The following GNAL variants were observed in gnomAD, a reference collection of about 807,000 sequenced individuals.
GNAL encodes G protein subunit alpha L.
Under a neutral mutation model 55.1 loss-of-function variants are expected in GNAL, and 18 were observed. The observed-to-expected ratio is 0.33, with a 90% CI of 0.23 to 0.48. The LOEUF is 0.48. Among genes scored for constraint, GNAL ranks in the 20% least tolerant of loss-of-function variants. The probability of loss-of-function intolerance (pLI) is 0.99; values close to 1 mark genes in which losing one functional copy is unlikely to be tolerated. For synonymous variants in GNAL, 253 were observed against 237.0 expected (o/e 1.07, Z -0.62); for missense variants, 412 against 614.1 (o/e 0.67, Z 3.48).
intron 1 of GNAL, among the ~76,000 whole-genome samples, chr18:11,696,435 G>A (rs2031415563): frequency 6.6e-6 from 1 of 151,420 alleles, no homozygotes; most frequent in South Asian, 2.1e-4. Context: ...AACCCGGAAG[G>A]CAGAGCTTGC....
chr18:11,829,474 C>T (rs2035327954), intron 5 of GNAL, among the ~76,000 whole-genome samples: 1 of 152,088 alleles, frequency 6.6e-6, no homozygotes, highest in Non-Finnish European at 1.5e-5. Context: ...TTTTACTTTG[C>T]CAAATAAGAT....
chr18:11,737,175 A>T (rs1203809574), intron 1 of GNAL, among the ~76,000 whole-genome samples: 1 of 152,226 alleles, frequency 6.6e-6, no homozygotes, highest in African/African-American at 2.4e-5. Flanking sequence ...TGTAACAATC[A>T]CATGCGGGTA....
chr18:11,859,628 C>T (rs2036085585), intron 5 of GNAL, among the ~76,000 whole-genome samples: 2 of 152,216 alleles, frequency 1.3e-5, no homozygotes, highest in African/African-American at 4.8e-5. Flanking sequence ...TGCGCAGTAG[C>T]ACCTCCCAGA....
chr18:11,781,639 A>G (rs1265903912), intron 4 of GNAL, among the ~76,000 whole-genome samples: 5 of 152,238 alleles, frequency 3.3e-5, no homozygotes, highest in Non-Finnish European at 7.3e-5. Flanking sequence ...CTCTTTGAAG[A>G]TAAACTTTGT....
chr18:11,784,204 G>T (rs548787375), intron 4 of GNAL, among the ~76,000 whole-genome samples: 4 of 152,408 alleles, frequency 2.6e-5, no homozygotes, highest in African/African-American at 9.6e-5. Context: ...ACAAGAGCCT[G>T]TTGCTCTTCT....
chr18:11,690,031 G>A, intron 1 of GNAL, 92 bp downstream of exon 1: 2 of 705,410 alleles, frequency 2.8e-6, no homozygotes, highest in Non-Finnish European at 3.9e-6. Context: ...GGCGGGCACC[G>A]GGGAGCGGCG....
chr18:11,839,758 C>T (rs976732103), intron 5 of GNAL, among the ~76,000 whole-genome samples: 6 of 152,124 alleles, frequency 3.9e-5, no homozygotes, highest in Non-Finnish European at 8.8e-5. Context: ...AACTGTGCTA[C>T]AGCACAGCCT....
chr18:11,818,611 G>A (rs2035017101), intron 4 of GNAL, among the ~76,000 whole-genome samples: 1 of 152,200 alleles, frequency 6.6e-6, no homozygotes, highest in South Asian at 2.1e-4. Flanking sequence ...TGAAAATGTG[G>A]GAGGATGAAG....
chr18:11,707,745 A>G (rs962937051), intron 1 of GNAL, among the ~76,000 whole-genome samples: 1 of 152,204 alleles, frequency 6.6e-6, no homozygotes, highest in East Asian at 1.9e-4. Flanking sequence ...TTCCACCTCC[A>G]TTGAAGGCTG....
At chr18:11,744,097 G>A (rs75446250) in intron 1 of GNAL, among the ~76,000 whole-genome samples, 105 of 152,288 alleles carry the variant, frequency 6.9e-4, no homozygotes, top group African/African-American at 2.5e-3. Context: ...ACTGAGTCCA[G>A]TGCTTTAGTG....
At chr18:11,850,098 G>T (rs894977234) in intron 5 of GNAL, among the ~76,000 whole-genome samples, 1 of 152,204 alleles carries the variant, frequency 6.6e-6, no homozygotes, top group Non-Finnish European at 1.5e-5. Flanking sequence ...CAGGCAACAG[G>T]AACAGCATAG....
intron 4 of GNAL, among the ~76,000 whole-genome samples, chr18:11,763,412 CT>C (rs869177717): frequency 1.7e-3 from 257 of 148,430 alleles, no homozygotes; most frequent in African/African-American, 5.6e-3. Flanking sequence ...AATACGATAT[CT>C]TTTTTTTTTT....
At chr18:11,822,093 G>T (rs1182648627) in intron 4 of GNAL, among the ~76,000 whole-genome samples, 1 of 152,252 alleles carries the variant, frequency 6.6e-6, no homozygotes, top group Non-Finnish European at 1.5e-5. Context: ...TGGCACCGCA[G>T]GCGCGGGGCG....
intron 4 of GNAL, among the ~76,000 whole-genome samples, chr18:11,767,726 G>A (rs1022449983): frequency 2.6e-5 from 4 of 152,036 alleles, no homozygotes; most frequent in Non-Finnish European, 5.9e-5. Flanking sequence ...GTCTGTGCAC[G>A]CTTACACTTC....
intron 5 of GNAL, among the ~76,000 whole-genome samples, chr18:11,846,110 G>A (rs2035729067): frequency 6.6e-6 from 1 of 152,098 alleles, no homozygotes; most frequent in South Asian, 2.1e-4. Context: ...GAGGCATCCC[G>A]TACCAGCCTT....
chr18:11,789,948 G>A (rs536511610), intron 4 of GNAL, among the ~76,000 whole-genome samples: 2 of 152,280 alleles, frequency 1.3e-5, no homozygotes, highest in Admixed American at 6.5e-5. Context: ...ATCACAAACC[G>A]GATTCCTTGT....
chr18:11,808,790 G>A (rs1168954657), intron 4 of GNAL, among the ~76,000 whole-genome samples: 8 of 152,226 alleles, frequency 5.3e-5, no homozygotes, highest in Non-Finnish European at 1.0e-4. Context: ...AAATGTGTCC[G>A]ATCCATGTAA....
chr18:11,862,941 C>T (rs969638907), intron 6 of GNAL, among the ~76,000 whole-genome samples: 1 of 149,192 alleles, frequency 6.7e-6, no homozygotes, highest in Non-Finnish European at 1.5e-5. Flanking sequence ...TGCTATGTTG[C>T]AATCTCTGCT....
intron 4 of GNAL, among the ~76,000 whole-genome samples, chr18:11,776,180 C>CT (rs1188091086): frequency 6.6e-6 from 1 of 152,154 alleles, no homozygotes; most frequent in Non-Finnish European, 1.5e-5. Flanking sequence ...GCCACTTTCT[C>CT]TTTTTTAATT....
Sources: allele counts gnomAD v4.1 joint callset (sites outside exome capture counted in the v4.1 genomes callset), GRCh38; gene constraint gnomAD v4.1.1; transcripts MANE v1.5; gene names NCBI Gene and HGNC (gene_info 2026-07-23, HGNC 2026-07-21).